The following TSPAN18 variants were observed in gnomAD, a reference collection of about 807,000 sequenced individuals.
TSPAN18 encodes tetraspanin 18.
A neutral mutation model predicts 27.3 loss-of-function variants in TSPAN18; 14 were observed. The observed-to-expected ratio is 0.51, with a 90% CI of 0.34 to 0.80. TSPAN18 has a LOEUF of 0.80. Among genes scored for constraint, TSPAN18 ranks in the 30% least tolerant of loss-of-function variants. TSPAN18 has a pLI of 0.01. For missense variants in TSPAN18, 268 were observed against 323.9 expected, an observed-to-expected ratio of 0.83 and a Z score of 1.32; for synonymous variants, 143 against 136.5, an observed-to-expected ratio of 1.05 and a Z score of -0.33.
At chr11:44,883,684 C>A (rs750167986) in intron 3 of TSPAN18, among the ~76,000 whole-genome samples, 40 of 152,216 alleles carry the variant, frequency 2.6e-4, no homozygotes, top group Non-Finnish European at 4.1e-4. Flanking sequence ...GGGCCAGACC[C>A]TGGGTCCTCT....
chr11:44,806,128 G>A (rs1034049120), intron 2 of TSPAN18, among the ~76,000 whole-genome samples: 5 of 148,426 alleles, frequency 3.4e-5, no homozygotes, highest in African/African-American at 1.2e-4. Context: ...TCCGCCTCCC[G>A]GGTTCAAGTG....
chr11:44,898,409 C>G (rs1050807114), intron 3 of TSPAN18, among the ~76,000 whole-genome samples: 1 of 152,258 alleles, frequency 6.6e-6, no homozygotes, highest in African/African-American at 2.4e-5. Context: ...GTAAGTTACA[C>G]AAGAGCTGGA....
chr11:44,819,224 G>A (rs1296604741), intron 2 of TSPAN18, among the ~76,000 whole-genome samples: 1 of 152,056 alleles, frequency 6.6e-6, no homozygotes, highest in Non-Finnish European at 1.5e-5. Context: ...GCCACCTCTA[G>A]GCTCCTGCTC....
At chr11:44,893,245 T>C (rs1246478086) in intron 3 of TSPAN18, among the ~76,000 whole-genome samples, 2 of 152,226 alleles carry the variant, frequency 1.3e-5, no homozygotes, top group East Asian at 3.9e-4. Flanking sequence ...GCAGATGCTC[T>C]GTGCCACCTT....
chr11:44,849,415 G>T (rs1393916758), intron 2 of TSPAN18, among the ~76,000 whole-genome samples: 1 of 152,198 alleles, frequency 6.6e-6, no homozygotes. Flanking sequence ...AGGTTTAAGA[G>T]CAGGCTAGCC....
intron 3 of TSPAN18, among the ~76,000 whole-genome samples, chr11:44,880,353 G>A (rs763011284): frequency 5.3e-5 from 8 of 152,160 alleles, no homozygotes; most frequent in South Asian, 4.1e-4. Context: ...AGAGACCCTC[G>A]TGCTCTGTTA....
chr11:44,903,487 A>C lies in TSPAN18; in HGVS notation c.-10-2920A>C, dbSNP rs11038198. 3,603 of 456,370 alleles carry C rather than the reference A, an allele frequency of 7.9e-3. 113 individuals are homozygous for C. The highest frequency in any genetic ancestry group is 0.066 in the African/African-American group (3,306 of 50,044). The allele number at this position is 456,370 out of a possible 1,614,324, so 28.3% of individuals were successfully genotyped here. A position where few individuals can be genotyped will look rare whatever the true frequency, so the allele number is the denominator to read the frequency against. ...TGGTCTCCTGTAGAGGTTGGGTTCC[A>C]GCAAGAGAGGGCTGTGGTGACATGT... is the stretch of plus-strand genomic sequence containing the variant. On this transcript the variant is annotated intron_variant, in intron 3 of 9. Coordinates refer to ENST00000520358, the MANE Select transcript of TSPAN18 (RefSeq NM_130783.5).
intron 2 of TSPAN18, among the ~76,000 whole-genome samples, chr11:44,794,139 A>AG (rs1856293325): frequency 6.6e-6 from 1 of 152,210 alleles, no homozygotes; most frequent in African/African-American, 2.4e-5. Flanking sequence ...AAACTAGAGT[A>AG]GGGGCTACCT....
chr11:44,905,781 G>A (rs1005996766), intron 3 of TSPAN18, among the ~76,000 whole-genome samples: 1 of 152,210 alleles, frequency 6.6e-6, no homozygotes, highest in Admixed American at 6.5e-5. Context: ...GATGCTAGAG[G>A]TCTCAGAGTA....
At chr11:44,789,205 C>T (rs909313647) in intron 2 of TSPAN18, among the ~76,000 whole-genome samples, 14 of 152,168 alleles carry the variant, frequency 9.2e-5, no homozygotes, top group African/African-American at 3.4e-4. Context: ...GACGCAGAGC[C>T]GTGATCATCA....
At chr11:44,779,994 C>T (rs1017657486) in intron 2 of TSPAN18, among the ~76,000 whole-genome samples, 7 of 152,240 alleles carry the variant, frequency 4.6e-5, no homozygotes, top group Non-Finnish European at 8.8e-5. Flanking sequence ...TACCTGCACA[C>T]ACCTGCCTCC....
chr11:44,726,512 A>G (rs753884767), upstream of TSPAN18: 2 of 152,098 alleles, frequency 1.3e-5, no homozygotes, highest in Non-Finnish European at 2.9e-5. Flanking sequence ...GGCTTTCAAC[A>G]GGTACTTCCC....
intron 1 of TSPAN18, among the ~76,000 whole-genome samples, chr11:44,730,623 AC>A (rs1346600579): frequency 7.0e-6 from 1 of 142,124 alleles, no homozygotes; most frequent in African/African-American, 2.6e-5. Flanking sequence ...ATCATGAAAC[AC>A]TTTTTTTTTT....
At chr11:44,756,679 T>A (rs1011441752) in intron 1 of TSPAN18, among the ~76,000 whole-genome samples, 2 of 152,248 alleles carry the variant, frequency 1.3e-5, no homozygotes, top group Admixed American at 6.5e-5. Context: ...TTGTCTTTTG[T>A]GACTGGCTTT....
chr11:44,801,450 G>T lies in TSPAN18; in HGVS notation c.-153+36938G>T, dbSNP rs77486769. 6.5e-3 allele frequency among the ~76,000 whole-genome samples: 989 copies of T among 152,304 alleles called. 8 individuals are homozygous for T. The highest frequency in any genetic ancestry group is 0.023 in the African/African-American group (943 of 41,568). On this transcript the variant is annotated intron_variant, in intron 2 of 9. Transcript: ENST00000520358. ...TTTATAGGTATCTCCTTATCTGCCA[G>T]CACAGAGCTGGGCATACAGAAGGTA... is the stretch of plus-strand genomic sequence containing the variant.
chr11:44,735,824 A>T (rs1854779287), intron 1 of TSPAN18, among the ~76,000 whole-genome samples: 1 of 151,992 alleles, frequency 6.6e-6, no homozygotes, highest in Non-Finnish European at 1.5e-5. Context: ...TCACTGTGTT[A>T]GCCAGGATGG....
intron 1 of TSPAN18, among the ~76,000 whole-genome samples, chr11:44,731,633 T>TGTGTGTGTGTGAGAGAGAGA (rs139154582): frequency 1.6e-4 from 17 of 107,436 alleles, no homozygotes; most frequent in Non-Finnish European, 1.3e-4. Context: ...TGTGTGTGTG[T>TGTGTGTGTGTGAGAGAGAGA]GAGAGAGAGA....
intron 3 of TSPAN18, among the ~76,000 whole-genome samples, chr11:44,869,585 G>A (rs1382880388): frequency 2.6e-5 from 4 of 152,204 alleles, no homozygotes; most frequent in African/African-American, 4.8e-5. Context: ...TCCCTGGCAC[G>A]TAGCTGATGC....
At chr11:44,753,882 A>G (rs896014288) in intron 1 of TSPAN18, among the ~76,000 whole-genome samples, 1 of 152,184 alleles carries the variant, frequency 6.6e-6, no homozygotes, top group Non-Finnish European at 1.5e-5. Context: ...TAATTCTGCC[A>G]TTTAATTGTA....
Sources: allele counts gnomAD v4.1 joint callset (sites outside exome capture counted in the v4.1 genomes callset), GRCh38; gene constraint gnomAD v4.1.1; transcripts MANE v1.5; gene names NCBI Gene and HGNC (gene_info 2026-07-23, HGNC 2026-07-21).